Variants in BNC2 observed in about 807,000 individuals in gnomAD.
The protein encoded by BNC2 is zinc finger protein basonuclin-2.
Under a neutral mutation model 76.3 loss-of-function variants are expected in BNC2, and 20 were observed. The ratio of observed to expected loss-of-function variants is 0.26; its 90% CI spans 0.18 to 0.38. The LOEUF (loss-of-function observed/expected upper bound fraction) is 0.38, where lower values mean the gene tolerates loss of function less well. Among genes scored for constraint, BNC2 ranks in the 10% least tolerant of loss-of-function variants. The pLI is 1.00. For synonymous variants in BNC2, 582 were observed against 514.8 expected, an observed-to-expected ratio of 1.13 and a Z score of -1.77; for missense variants, 1,382 against 1,399.8, an observed-to-expected ratio of 0.99 and a Z score of 0.20.
chr9:16,841,686 G>A lies in BNC2; in HGVS notation c.3+28960C>T, dbSNP rs75444579. Among the ~76,000 whole-genome samples, 39 of 151,856 alleles carry A rather than the reference G, an allele frequency of 2.6e-4. No individual in the cohort carries two copies. The East Asian group carries it at 6.2e-3, about 24-fold the overall frequency. ...TTGAAAATGTTTAAACACTTAAAAC[G>A]TGAAAAAAAAGATAAAATACTTCAA... is the stretch of plus-strand genomic sequence containing the variant. On this transcript the variant is annotated intron_variant, in intron 1 of 6. Transcript: ENST00000380672.
In BNC2 at chr9:16,436,262, C is replaced by T. The variant is rs755222798; in HGVS notation, c.1932G>A (p.Lys644=). The T allele has an allele frequency of 1.4e-5, 22 of 1,614,034 alleles. No homozygotes were observed. Among genetic ancestry groups the T allele is most frequent in the Admixed American group, 5.0e-5 (3 of 59,992 alleles). The part of the protein sequence containing the change: ...RKSSMPVKIE[K]EIIDTADEFD... ...ACTCATCGGCGGTATCAATAATTTCCTTCTCAATCTTCACAGGCATGCTTG... is the reference window on the plus strand; with the variant it reads ...ACTCATCGGCGGTATCAATAATTTCTTTCTCAATCTTCACAGGCATGCTTG... Residue 644 remains lysine (K), a synonymous_variant, in exon 6 of 7, where the codon AAG becomes AAA. Coordinates refer to ENST00000380672, the MANE Select transcript of BNC2 (RefSeq NM_017637.6).
At chr9:16,464,047 T>C (rs1056362465) in intron 5 of BNC2, among the ~76,000 whole-genome samples, 6 of 145,284 alleles carry the variant, frequency 4.1e-5, no homozygotes, top group African/African-American at 1.3e-4. Context: ...TGAGCCAAGA[T>C]TGTGCTACCG....
At chr9:16,688,706 ATGG>A (rs1334595783) in intron 3 of BNC2, among the ~76,000 whole-genome samples, 1 of 152,220 alleles carries the variant, frequency 6.6e-6, no homozygotes, top group Non-Finnish European at 1.5e-5. Context: ...ACAAAAAAAA[ATGG>A]TGAACTGTTC....
intron 1 of BNC2, among the ~76,000 whole-genome samples, chr9:16,774,330 A>AT (rs1825907733): frequency 6.6e-6 from 1 of 152,188 alleles, no homozygotes; most frequent in African/African-American, 2.4e-5. Flanking sequence ...GTTACATCTG[A>AT]TAAGGAACCA....
chr9:16,825,591 G>A (rs1818434942), intron 1 of BNC2, among the ~76,000 whole-genome samples: 1 of 152,036 alleles, frequency 6.6e-6, no homozygotes, highest in Non-Finnish European at 1.5e-5. Context: ...AAACCTTTGT[G>A]GTGTTCTCTT....
At chr9:16,459,897 T>G (rs1177853011) in intron 5 of BNC2, among the ~76,000 whole-genome samples, 2 of 152,186 alleles carry the variant, frequency 1.3e-5, no homozygotes, top group Non-Finnish European at 2.9e-5. Flanking sequence ...GCCAGCTACA[T>G]TATCCCTTTC....
Position 16,735,325 on chromosome 9 carries a change from A to T in BNC2, c.129+3035T>A, listed in dbSNP as rs75322234. ...ACAGTAACAGTGGCTTCTTTATACC[A>T]AACCTATATTCAATGTTTTATGAGA... On this transcript the variant is annotated intron_variant, in intron 2 of 6. Transcript: ENST00000380672. 4.7e-3 allele frequency among the ~76,000 whole-genome samples: 709 copies of T among 152,068 alleles called. 21 individuals carry two copies. The East Asian group carries it at 0.092, about 20-fold the overall frequency.
intron 5 of BNC2, chr9:16,473,070 T>C (rs1426031052): frequency 6.6e-6 from 1 of 152,274 alleles, no homozygotes; most frequent in African/African-American, 2.4e-5. Flanking sequence ...CTAAGCATGA[T>C]ACAAGAAGAG....
intron 1 of BNC2, among the ~76,000 whole-genome samples, chr9:16,789,890 G>C (rs374052530): frequency 2.6e-5 from 4 of 152,248 alleles, no homozygotes; most frequent in East Asian, 1.9e-4. Context: ...CACTTTGTTG[G>C]TATACCCTCA....
intron 1 of BNC2, among the ~76,000 whole-genome samples, chr9:16,821,756 T>G (rs1818336745): frequency 6.6e-6 from 1 of 151,918 alleles, no homozygotes; most frequent in African/African-American, 2.4e-5. Flanking sequence ...CAAGACCAGC[T>G]GGGCCAACAT....
chr9:16,794,029 T>C (rs1011656408), intron 1 of BNC2, among the ~76,000 whole-genome samples: 1 of 151,844 alleles, frequency 6.6e-6, no homozygotes, highest in African/African-American at 2.4e-5. Flanking sequence ...AAACAGAAAA[T>C]TATTTAAATG....
chr9:16,560,932 G>A (rs1037755145), intron 4 of BNC2, among the ~76,000 whole-genome samples: 14 of 152,088 alleles, frequency 9.2e-5, no homozygotes, highest in Non-Finnish European at 1.8e-4. Context: ...GAAGTAAGAG[G>A]GTTGTTTTAA....
intron 1 of BNC2, among the ~76,000 whole-genome samples, chr9:16,840,861 C>T (rs1211168944): frequency 6.6e-6 from 1 of 152,194 alleles, no homozygotes; most frequent in Non-Finnish European, 1.5e-5. Flanking sequence ...ATCTTCACTA[C>T]TCTTTAAATA....
intron 5 of BNC2, among the ~76,000 whole-genome samples, chr9:16,549,687 T>A (rs28452341): frequency 6.6e-6 from 1 of 152,236 alleles, no homozygotes; most frequent in Non-Finnish European, 1.5e-5. Context: ...GTCTCTCTCT[T>A]TTTTCTTTAC....
intron 5 of BNC2, among the ~76,000 whole-genome samples, chr9:16,484,688 G>C (rs1822124489): frequency 6.6e-6 from 1 of 152,158 alleles, no homozygotes; most frequent in Non-Finnish European, 1.5e-5. Flanking sequence ...AATTTCTGAA[G>C]GACAGCCTTT....
chr9:16,787,352 G>A (rs529075689), intron 1 of BNC2, among the ~76,000 whole-genome samples: 9 of 152,246 alleles, frequency 5.9e-5, no homozygotes, highest in South Asian at 2.1e-4. Flanking sequence ...TTCCTAAGTC[G>A]GCCTGGTGCT....
intron 1 of BNC2, among the ~76,000 whole-genome samples, chr9:16,768,685 C>A (rs1374258305): frequency 6.6e-6 from 1 of 152,104 alleles, no homozygotes; most frequent in Admixed American, 6.6e-5. Flanking sequence ...ACCAGAGAGA[C>A]AGAGAAGTGG....
chr9:16,447,108 T>C (rs1200618660), intron 5 of BNC2, among the ~76,000 whole-genome samples: 2 of 152,170 alleles, frequency 1.3e-5, no homozygotes, highest in Non-Finnish European at 2.9e-5. Flanking sequence ...TTTTAATATT[T>C]AATAAGAATA....
At chr9:16,817,954 T>G (rs1240764540) in intron 1 of BNC2, among the ~76,000 whole-genome samples, 1 of 152,126 alleles carries the variant, frequency 6.6e-6, no homozygotes, top group African/African-American at 2.4e-5. Flanking sequence ...GCAAGCATGG[T>G]TCATAAGCAT....
Sources: allele counts gnomAD v4.1 joint callset (sites outside exome capture counted in the v4.1 genomes callset), GRCh38; gene constraint gnomAD v4.1.1; transcripts MANE v1.5; gene names NCBI Gene and HGNC (gene_info 2026-07-23, HGNC 2026-07-21).